The following SGSM1 variants were observed in gnomAD, a reference collection of about 807,000 sequenced individuals.
The protein encoded by SGSM1 is small G protein signaling modulator 1.
Under a neutral mutation model 133.8 loss-of-function variants are expected in SGSM1, and 73 were observed. That is an observed-to-expected ratio of 0.55 (90% CI 0.45 to 0.66). The LOEUF (loss-of-function observed/expected upper bound fraction) is 0.66. Among genes scored for constraint, SGSM1 ranks in the 30% least tolerant of loss-of-function variants. SGSM1 has a pLI of 0.00. For synonymous variants in SGSM1, 563 were observed against 573.0 expected (o/e 0.98, Z 0.25); for missense variants, 1,213 against 1,448.1 (o/e 0.84, Z 2.64).
rs5760714 is a variant in SGSM1 at position 24,898,697 on chromosome 22, C to T, written c.2610+138C>T. The T allele has an allele frequency of 4.7e-3, 3,803 of 808,326 alleles. 164 individuals are homozygous for T. In the East Asian group the frequency reaches 0.088, roughly 19 times the overall value. 50.1% of individuals were successfully genotyped at this position (808,326 alleles called of 1,614,324 possible). ...CATTTTTTCCGTCATGGAGGATTCA[C>T]TGTAGAAACCCATTTGGGAGAGAAG... On this transcript the variant is annotated intron_variant, in intron 19 of 24. Transcript: ENST00000400358.
At chr22:24,847,828 C>G in intron 4 of SGSM1, 32 bp downstream of exon 4, 11 of 1,605,866 alleles carry the variant, frequency 6.8e-6, no homozygotes, top group Non-Finnish European at 9.4e-6. Context: ...CAGGTGGGAG[C>G]AGCTCCCCCA....
chr22:24,855,120 C>T, intron 6 of SGSM1, 57 bp downstream of exon 6: 1 of 1,574,754 alleles, frequency 6.4e-7, no homozygotes, highest in Non-Finnish European at 8.7e-7. Flanking sequence ...GTCTGAGGGG[C>T]ACCTTCTCCA....
Position 24,888,859 on chromosome 22 carries a change from A to G in SGSM1, c.1770+2131A>G, listed in dbSNP as rs570629808. On this transcript the variant is annotated intron_variant, in intron 16 of 24. Transcript: ENST00000400358. Reference sequence around the variant, plus strand: ...CTGGGTTCTTCTGTTCCGGTGATCTATGAATCTGTCCTTCTGCCAGTACCA... The same window carrying G: ...CTGGGTTCTTCTGTTCCGGTGATCTGTGAATCTGTCCTTCTGCCAGTACCA... Among the ~76,000 whole-genome samples the G allele has an allele frequency of 9.9e-5, 15 of 151,126 alleles. No individual in the cohort carries two copies. The South Asian group carries it at 2.7e-3, about 27-fold the overall frequency.
chr22:24,811,035 T>C (rs946037911), intron 2 of SGSM1, among the ~76,000 whole-genome samples: 5 of 152,200 alleles, frequency 3.3e-5, no homozygotes, highest in African/African-American at 1.2e-4. Context: ...AATTTGACTT[T>C]CAGATAAACA....
chr22:24,834,055 T>G (rs1478620971), intron 2 of SGSM1, among the ~76,000 whole-genome samples: 1 of 152,238 alleles, frequency 6.6e-6, no homozygotes, highest in Non-Finnish European at 1.5e-5. Flanking sequence ...CTGCTCACTA[T>G]GAGGGAGGAC....
chr22:24,838,724 A>C (rs1929615423), intron 2 of SGSM1, among the ~76,000 whole-genome samples: 1 of 152,096 alleles, frequency 6.6e-6, no homozygotes, highest in Non-Finnish European at 1.5e-5. Flanking sequence ...CATTTGTCTA[A>C]ATGTGTGTTT....
chr22:24,810,267 A>G (rs1381392591), intron 2 of SGSM1, among the ~76,000 whole-genome samples: 2 of 151,840 alleles, frequency 1.3e-5, no homozygotes, highest in Non-Finnish European at 2.9e-5. Flanking sequence ...TGGGGATGAA[A>G]ATGATTCAGC....
chr22:24,899,021 C>CAAA (rs11284624), intron 19 of SGSM1, among the ~76,000 whole-genome samples: 5 of 62,476 alleles, frequency 8.0e-5, no homozygotes, highest in Non-Finnish European at 1.6e-4. Context: ...AGCAAGATCT[C>CAAA]AAAAAAAAAA....
At chr22:24,845,834 T>C (rs561931217) in intron 3 of SGSM1, among the ~76,000 whole-genome samples, 3 of 143,420 alleles carry the variant, frequency 2.1e-5, no homozygotes, top group East Asian at 3.9e-4. Context: ...TGCCGCTTTC[T>C]TGGGAGGCAA....
At chr22:24,851,100 CAAAAAAAAA>C (rs68153757) in intron 5 of SGSM1, among the ~76,000 whole-genome samples, 13 of 95,808 alleles carry the variant, frequency 1.4e-4, no homozygotes, top group Admixed American at 3.2e-4. Context: ...GACTCCATCT[CAAAAAAAAA>C]AAAAAAAAAA....
At chr22:24,893,721 A>C in intron 17 of SGSM1, 108 bp downstream of exon 17, 2 of 1,228,292 alleles carry the variant, frequency 1.6e-6, no homozygotes. Flanking sequence ...GCCTGGTGAC[A>C]GTCTCACCCC....
intron 8 of SGSM1, among the ~76,000 whole-genome samples, chr22:24,857,961 C>G (rs1930904561): frequency 6.6e-6 from 1 of 152,136 alleles, no homozygotes; most frequent in Admixed American, 6.6e-5. Flanking sequence ...AATGTCCACT[C>G]TCATCTCGGG....
At chr22:24,873,298 G>T (rs149081342) in intron 12 of SGSM1, among the ~76,000 whole-genome samples, 8 of 152,056 alleles carry the variant, frequency 5.3e-5, no homozygotes, top group African/African-American at 1.7e-4. Context: ...CTGGTCTAGC[G>T]TGGGGTTTCT....
chr22:24,892,133 G>T (rs1601962302), intron 16 of SGSM1, among the ~76,000 whole-genome samples: 1 of 152,138 alleles, frequency 6.6e-6, no homozygotes, highest in Non-Finnish European at 1.5e-5. Flanking sequence ...GGTGAAAGTG[G>T]TGTAACCCTG....
intron 2 of SGSM1, among the ~76,000 whole-genome samples, chr22:24,816,652 G>A (rs1928101462): frequency 6.6e-6 from 1 of 152,032 alleles, no homozygotes; most frequent in Non-Finnish European, 1.5e-5. Flanking sequence ...TGATCCGCCT[G>A]CCTTGGCCTC....
At chr22:24,818,583 T>C (rs1959368939) in intron 2 of SGSM1, among the ~76,000 whole-genome samples, 2 of 151,770 alleles carry the variant, frequency 1.3e-5, no homozygotes, top group Non-Finnish European at 2.9e-5. Context: ...GTCAGGCTGG[T>C]CTTGAACTTC....
intron 2 of SGSM1, among the ~76,000 whole-genome samples, chr22:24,809,565 C>T (rs1465677043): frequency 1.3e-5 from 2 of 152,234 alleles, no homozygotes; most frequent in African/African-American, 4.8e-5. Context: ...GGGGAGCCAG[C>T]TGGACACAGC....
At chr22:24,882,056 A>G (rs1313226695) in intron 14 of SGSM1, among the ~76,000 whole-genome samples, 1 of 150,778 alleles carries the variant, frequency 6.6e-6, no homozygotes, top group Non-Finnish European at 1.5e-5. Context: ...ATTTTTTTTT[A>G]TTTAAATTTA....
chr22:24,887,381 T>C lies in SGSM1; in HGVS notation c.1770+653T>C, dbSNP rs116945400. 7.1e-3 allele frequency among the ~76,000 whole-genome samples: 1,076 copies of C among 152,252 alleles called. 8 individuals are homozygous for C. Among genetic ancestry groups the C allele is most frequent in the Non-Finnish European group, 0.011 (726 of 67,998 alleles). ...CAGTGTGTAATGTTTTGGGATTGACTTTTTTTCACTCAGCATAAAACCTCA... is the reference window on the plus strand; with the variant it reads ...CAGTGTGTAATGTTTTGGGATTGACCTTTTTTCACTCAGCATAAAACCTCA... On this transcript the variant is annotated intron_variant, in intron 16 of 24. Coordinates refer to ENST00000400358, the MANE Select transcript of SGSM1 (RefSeq NM_001098497.3).
Sources: gnomAD v4.1 joint callset for allele counts (sites outside exome capture counted in the v4.1 genomes callset) on GRCh38, gnomAD v4.1.1 for gene constraint, MANE v1.5 for transcripts, NCBI Gene and HGNC (gene_info 2026-07-23, HGNC 2026-07-21) for gene names.